Variants in FGF12 observed in about 807,000 individuals in gnomAD.
FGF12 encodes the protein fibroblast growth factor 12.
Under a neutral mutation model 23.6 loss-of-function variants are expected in FGF12, and 14 were observed. The ratio of observed to expected loss-of-function variants is 0.59; its 90% CI spans 0.39 to 0.93. The LOEUF (loss-of-function observed/expected upper bound fraction) is 0.93. FGF12 is among the 40% of genes least tolerant of loss of function. FGF12 has a pLI of 0.00. For synonymous variants in FGF12, 62 were observed against 77.3 expected, an observed-to-expected ratio of 0.80 and a Z score of 1.04; for missense variants, 175 against 217.8, an observed-to-expected ratio of 0.80 and a Z score of 1.24.
rs1718855599 is a variant in FGF12 at position 192,716,059 on chromosome 3, G to C, written c.13+11122C>G. Among the ~76,000 whole-genome samples, 3 of 152,176 alleles carry C rather than the reference G, an allele frequency of 2.0e-5. No homozygotes were observed. The South Asian group carries it at 6.2e-4, about 32-fold the overall frequency. On this transcript the variant is annotated intron_variant, in intron 2 of 5. Transcript: ENST00000445105. ...ATCTATTTCTAGATTGAATTCCCAA[G>C]TGCAAGAGAATCTTAGACTAGATTG...
At chr3:192,366,356 C>A (rs542040627) in intron 2 of FGF12, among the ~76,000 whole-genome samples, 11 of 152,238 alleles carry the variant, frequency 7.2e-5, no homozygotes, top group African/African-American at 2.6e-4. Flanking sequence ...GAGAAAGGTT[C>A]TGCATATAAA....
intron 4 of FGF12, among the ~76,000 whole-genome samples, chr3:192,233,210 C>T (rs1719115341): frequency 6.6e-6 from 1 of 152,160 alleles, no homozygotes; most frequent in Admixed American, 6.6e-5. Context: ...ACCCCACCAG[C>T]ATCTGTTATT....
chr3:192,248,799 A>G (rs565605775), intron 4 of FGF12, among the ~76,000 whole-genome samples: 1 of 152,284 alleles, frequency 6.6e-6, no homozygotes, highest in South Asian at 2.1e-4. Context: ...ACACAAATAT[A>G]TAAAATCCTA....
intron 2 of FGF12, among the ~76,000 whole-genome samples, chr3:192,649,955 A>G (rs2108675169): frequency 6.6e-6 from 1 of 152,270 alleles, no homozygotes; most frequent in Middle Eastern, 3.4e-3. Flanking sequence ...TATTTTTCTT[A>G]CTAGCAGCTT....
At chr3:192,322,520 A>ACACC (rs1385380725) in intron 4 of FGF12, among the ~76,000 whole-genome samples, 4 of 152,018 alleles carry the variant, frequency 2.6e-5, no homozygotes, top group African/African-American at 9.7e-5. Flanking sequence ...ACACACACAC[A>ACACC]CACCCCAGAA....
chr3:192,648,843 G>A (rs1716107285), intron 2 of FGF12, among the ~76,000 whole-genome samples: 1 of 152,188 alleles, frequency 6.6e-6, no homozygotes, highest in Non-Finnish European at 1.5e-5. Flanking sequence ...AATATAAACT[G>A]AAATTGAAGT....
Position 192,614,477 on chromosome 3 carries a change from A to G in FGF12, c.13+112704T>C, listed in dbSNP as rs78251422. The stretch of plus-strand genomic sequence containing the variant: ...TTTGAAAAGGACTTGAGCCATTTCA[A>G]GAAAAAAAGAAACTATTTCATTCAA... On this transcript the variant is annotated intron_variant, in intron 2 of 5. Transcript: ENST00000445105. 4.9e-4 allele frequency among the ~76,000 whole-genome samples: 74 copies of G among 152,096 alleles called. 1 individual carries two copies. The East Asian group carries it at 0.012, about 25-fold the overall frequency.
intron 2 of FGF12, among the ~76,000 whole-genome samples, chr3:192,642,666 T>C (rs1715850298): frequency 6.6e-6 from 1 of 152,244 alleles, no homozygotes; most frequent in Non-Finnish European, 1.5e-5. Flanking sequence ...CTCCCACCAG[T>C]AAGAATTGCC....
At chr3:192,259,320 G>A (rs1712597318) in intron 4 of FGF12, among the ~76,000 whole-genome samples, 1 of 152,050 alleles carries the variant, frequency 6.6e-6, no homozygotes, top group Admixed American at 6.6e-5. Flanking sequence ...AAATTATTTT[G>A]GGGGTGATGA....
chr3:192,319,505 GAGA>G, intron 4 of FGF12, among the ~76,000 whole-genome samples: 1 of 152,210 alleles, frequency 6.6e-6, no homozygotes, highest in Non-Finnish European at 1.5e-5. Flanking sequence ...ACTGAGGCAC[GAGA>G]AGAACTTGAA....
intron 2 of FGF12, among the ~76,000 whole-genome samples, chr3:192,495,462 C>A (rs372613598): frequency 2.8e-5 from 4 of 142,960 alleles, no homozygotes; most frequent in Non-Finnish European, 6.2e-5. Context: ...TATATATAAA[C>A]CTATATTATA....
intron 4 of FGF12, among the ~76,000 whole-genome samples, chr3:192,176,056 T>C (rs968059547): frequency 2.6e-5 from 4 of 152,206 alleles, no homozygotes; most frequent in African/African-American, 9.6e-5. Context: ...CCTTAAGATA[T>C]AAACACCATC....
At chr3:192,168,359 A>T (rs958776030) in intron 5 of FGF12, among the ~76,000 whole-genome samples, 22 of 152,182 alleles carry the variant, frequency 1.4e-4, no homozygotes, top group African/African-American at 5.3e-4. Context: ...AACCCTAAGA[A>T]GCAGGCACTT....
At chr3:192,630,409 A>AT (rs1239320239) in intron 2 of FGF12, among the ~76,000 whole-genome samples, 1 of 151,846 alleles carries the variant, frequency 6.6e-6, no homozygotes, top group Non-Finnish European at 1.5e-5. Flanking sequence ...AAATGCTTTC[A>AT]TTTTATAGAT....
At chr3:192,567,743 T>TTCTTTC (rs1712374216) in intron 2 of FGF12, among the ~76,000 whole-genome samples, 1 of 82,418 alleles carries the variant, frequency 1.2e-5, no homozygotes, top group Non-Finnish European at 2.6e-5. Flanking sequence ...GTCTCTTTCT[T>TTCTTTC]TCTTTCTTTC....
chr3:192,222,700 TAAG>T (rs1165109539), intron 4 of FGF12, among the ~76,000 whole-genome samples: 3 of 152,114 alleles, frequency 2.0e-5, no homozygotes, highest in African/African-American at 4.8e-5. Flanking sequence ...AAATTAATCT[TAAG>T]AATATACTGA....
Position 192,158,434 on chromosome 3 carries a change from C to CTCTTTTTCTCTTT in FGF12, c.427+12023_427+12024insAAAGAGAAAAAGA, listed in dbSNP as rs1714636622. Among the ~76,000 whole-genome samples, 5 of 84,794 alleles carry CTCTTTTTCTCTTT rather than the reference C, an allele frequency of 5.9e-5. No homozygotes were observed. The East Asian group carries it at 1.5e-3, about 25-fold the overall frequency. 55.6% of individuals were successfully genotyped at this position (84,794 alleles called of 152,430 possible). ...TTCTTTCTCTTTCTTTTTCTTTTTT[C>CTCTTTTTCTCTTT]TTTCTTTCTTTCTTCTTTTTTCTTG... On this transcript the variant is annotated intron_variant, in intron 5 of 5. Transcript: ENST00000445105.
intron 2 of FGF12, among the ~76,000 whole-genome samples, chr3:192,577,276 T>C (rs1001971048): frequency 1.3e-5 from 2 of 152,248 alleles, no homozygotes; most frequent in South Asian, 2.1e-4. Context: ...AACGATTTTG[T>C]GTTTGTTTAT....
intron 4 of FGF12, among the ~76,000 whole-genome samples, chr3:192,255,626 C>A (rs1309885406): frequency 6.6e-6 from 1 of 151,328 alleles, no homozygotes; most frequent in African/African-American, 2.4e-5. Context: ...ACTATTATTT[C>A]TTTATTATTT....
Sources: allele counts gnomAD v4.1 joint callset (sites outside exome capture counted in the v4.1 genomes callset), GRCh38; gene constraint gnomAD v4.1.1; transcripts MANE v1.5; gene names NCBI Gene and HGNC (gene_info 2026-07-23, HGNC 2026-07-21).